Variants in SNX19 observed in about 807,000 individuals in gnomAD.
SNX19 encodes sorting nexin-19.
In SNX19, 60 loss-of-function variants were observed where a neutral mutation model predicts 85.2. That is an observed-to-expected ratio of 0.70 (90% confidence interval 0.57 to 0.87). The LOEUF is 0.87. SNX19 is among the 40% of genes least tolerant of loss of function. The pLI, the probability that SNX19 is intolerant of heterozygous loss-of-function variation, is 0.00. For missense variants in SNX19, 1,201 were observed against 1,217.8 expected (o/e 0.99, Z 0.21); for synonymous variants, 520 against 470.0 (o/e 1.11, Z -1.38).
rs61734874 is a variant in SNX19, at chr11:130,914,593, A to G, written c.1347T>C (p.Ile449=). The G allele has an allele frequency of 0.19, 307,053 of 1,613,760 alleles. 30,677 individuals carry two copies. Among genetic ancestry groups the G allele is most frequent in the Middle Eastern group, 0.21 (1,256 of 6,056 alleles). The stretch of plus-strand genomic sequence containing the variant: ...GTTCTATCTCCTTGTCTGCTGTGTC[A>G]ATATGGATCTCTGGGCAGGAATTCA... The part of the protein sequence containing the change: ...STLNSCPEIH[I]DTADKEIEQG... Residue 449 remains isoleucine, a synonymous_variant, in exon 1 of 11, where the codon ATT becomes ATC. Transcript: ENST00000265909.
At chr11:130,882,994 G>A (rs1278757061) in intron 8 of SNX19, among the ~76,000 whole-genome samples, 1 of 152,160 alleles carries the variant, frequency 6.6e-6, no homozygotes, top group Non-Finnish European at 1.5e-5. Flanking sequence ...CAAAGCAAGA[G>A]TTACATTCTT....
chr11:130,879,825 T>A, intron 9 of SNX19, 114 bp from the exon 10 acceptor site: 1 of 814,496 alleles, frequency 1.2e-6, no homozygotes, highest in Non-Finnish European at 2.1e-6. Context: ...ATTTCAGGCC[T>A]ACCTCTAAAC....
At chr11:130,898,288 T>A (rs1486138851) in intron 8 of SNX19, among the ~76,000 whole-genome samples, 1 of 152,136 alleles carries the variant, frequency 6.6e-6, no homozygotes, top group African/African-American at 2.4e-5. Context: ...AGGAATAAAC[T>A]TGCCTGCTTG....
intron 8 of SNX19, among the ~76,000 whole-genome samples, chr11:130,895,572 C>A (rs1944820331): frequency 6.6e-6 from 1 of 152,116 alleles, no homozygotes; most frequent in Non-Finnish European, 1.5e-5. Flanking sequence ...TGTTTGCAGT[C>A]ACAGATGGGC....
intron 8 of SNX19, among the ~76,000 whole-genome samples, chr11:130,885,160 G>T (rs565621270): frequency 5.4e-4 from 82 of 152,042 alleles, no homozygotes; most frequent in Non-Finnish European, 7.6e-4. Flanking sequence ...CCTTAATAGG[G>T]GGCCTAGAAA....
chr11:130,900,362 G>C (rs1945178321), intron 8 of SNX19, among the ~76,000 whole-genome samples: 1 of 152,216 alleles, frequency 6.6e-6, no homozygotes. Flanking sequence ...GAAAAAGAAA[G>C]AAGTCTCACA....
At position 130,871,092 on chromosome 11, in the gene SNX19, G is replaced by A. The variant is rs1341734053; in HGVS notation, c.*7330C>T. On this transcript the variant is annotated 3_prime_UTR_variant, in exon 11 of 11. Coordinates refer to ENST00000265909, the MANE Select transcript of SNX19 (RefSeq NM_014758.3). ...GAGAAGGTAATCTACCACGTGGAAGGAAGGACATGAACAAAAAAATGAAAG... is the reference window on the plus strand; with the variant it reads ...GAGAAGGTAATCTACCACGTGGAAGAAAGGACATGAACAAAAAAATGAAAG... Among the ~76,000 whole-genome samples the A allele has an allele frequency of 6.6e-5, 10 of 152,110 alleles. No individual in the cohort carries two copies. Among genetic ancestry groups the A allele is most frequent in the African/African-American group, 2.4e-4 (10 of 41,404 alleles).
At chr11:130,905,911 C>A (rs781379448) in intron 7 of SNX19, 42 bp downstream of exon 7, 9 of 1,614,044 alleles carry the variant, frequency 5.6e-6, no homozygotes, top group Non-Finnish European at 7.6e-6. Flanking sequence ...TGGATGCCAC[C>A]CTGGCTCCCT....
At position 130,878,359 on chromosome 11, in the gene SNX19, A is replaced by G; in HGVS notation, c.*63T>C. ...ACTTGAAGAGGGCACGGGCTTCCTGACTGGTCTCTGGTGGCCGAGTAACTC... is the reference window on the plus strand; with the variant it reads ...ACTTGAAGAGGGCACGGGCTTCCTGGCTGGTCTCTGGTGGCCGAGTAACTC... On this transcript the variant is annotated 3_prime_UTR_variant, in exon 11 of 11. Coordinates refer to ENST00000265909, the MANE Select transcript of SNX19 (RefSeq NM_014758.3). 2 of 1,570,370 alleles carry G rather than the reference A, an allele frequency of 1.3e-6. No homozygotes were observed. Among genetic ancestry groups the G allele is most frequent in the Non-Finnish European group, 1.7e-6 (2 of 1,154,572 alleles).
Position 130,910,096 on chromosome 11 carries a change from C to A in SNX19, c.1956G>T (p.Val652=). The A allele has an allele frequency of 6.2e-7, 1 of 1,614,168 alleles. No homozygotes were observed. Among genetic ancestry groups the A allele is most frequent in the South Asian group, 1.1e-5 (1 of 91,078 alleles). Residue 652 remains valine (V), a synonymous_variant, in exon 4 of 11, where the codon GTG becomes GTT. Coordinates refer to ENST00000265909, the MANE Select transcript of SNX19 (RefSeq NM_014758.3). ...AIPEIANSEE[V]QEFLALNTDA... ...CTGTGTTCAGAGCAAGGAACTCCTG[C>A]ACCTCCTCACTGTTAGCGATCTCCG...
In SNX19 at chr11:130,870,462, T is replaced by C. The variant is rs2155358; in HGVS notation, c.*7960A>G. On this transcript the variant is annotated 3_prime_UTR_variant, in exon 11 of 11. Transcript: ENST00000265909. ...GAGTAATGGATTTCTTTACCTCACCTAAACAGATCCACTGAAAAGGAAACT... is the reference window on the plus strand; with the variant it reads ...GAGTAATGGATTTCTTTACCTCACCCAAACAGATCCACTGAAAAGGAAACT... 0.44 allele frequency among the ~76,000 whole-genome samples: 66,524 copies of C among 152,162 alleles called. 14,830 individuals carry two copies. The highest frequency in any genetic ancestry group is 0.56 in the South Asian group (2,724 of 4,822).
chr11:130,912,164 T>A (rs955775126), intron 1 of SNX19, among the ~76,000 whole-genome samples: 1 of 152,234 alleles, frequency 6.6e-6, no homozygotes, highest in African/African-American at 2.4e-5. Context: ...TACTCTCCCG[T>A]GATTATTTAT....
intron 1 of SNX19, among the ~76,000 whole-genome samples, chr11:130,913,510 T>A (rs999935892): frequency 7.2e-5 from 11 of 152,224 alleles, no homozygotes; most frequent in African/African-American, 2.4e-4. Context: ...TTTTCCCTCT[T>A]AGTTGGATTG....
At position 130,872,790 on chromosome 11, in the gene SNX19, C is replaced by T. The variant is rs899329702; in HGVS notation, c.*5632G>A. On this transcript the variant is annotated 3_prime_UTR_variant, in exon 11 of 11. Transcript: ENST00000265909. ...CATGGTTTCCCTTCCTCCCCAGTTA[C>T]CATTCTTTCCCTGGTTCCCATCCCC... is the stretch of plus-strand genomic sequence containing the variant. Among the ~76,000 whole-genome samples, 1 of 152,192 alleles carries T rather than the reference C, an allele frequency of 6.6e-6. No homozygotes were observed. Among genetic ancestry groups the T allele is most frequent in the Non-Finnish European group, 1.5e-5 (1 of 68,050 alleles).
At chr11:130,890,732 T>C (rs998282309) in intron 8 of SNX19, among the ~76,000 whole-genome samples, 1 of 152,162 alleles carries the variant, frequency 6.6e-6, no homozygotes, top group African/African-American at 2.4e-5. Context: ...TCTGATGTCA[T>C]CTACTATAAG....
intron 8 of SNX19, among the ~76,000 whole-genome samples, chr11:130,901,147 C>G (rs1423718332): frequency 6.6e-6 from 1 of 152,140 alleles, no homozygotes; most frequent in Non-Finnish European, 1.5e-5. Flanking sequence ...CATCCTTGGC[C>G]TACATCCACT....
At chr11:130,892,014 T>G (rs1944534530) in intron 8 of SNX19, among the ~76,000 whole-genome samples, 1 of 151,700 alleles carries the variant, frequency 6.6e-6, no homozygotes, top group Non-Finnish European at 1.5e-5. Flanking sequence ...CAAATTTTTT[T>G]TGTATTTTCA....
In SNX19 at chr11:130,906,525, C is replaced by T. The variant is rs531553399; in HGVS notation, c.2262+100G>A. The T allele has an allele frequency of 4.8e-6, 4 of 831,798 alleles. No individual in the cohort carries two copies. The African/African-American group carries it at 5.0e-5, about 10-fold the overall frequency. 51.5% of individuals were successfully genotyped at this position (831,798 alleles called of 1,614,324 possible). On this transcript the variant is annotated intron_variant, in intron 6 of 10. Coordinates refer to ENST00000265909, the MANE Select transcript of SNX19 (RefSeq NM_014758.3). ...TCCAAACGTTGATTAAGTCATTTAG[C>T]AGGACATTTCTGACTTCAGAGAATA...
At position 130,915,760 on chromosome 11, in the gene SNX19, C is replaced by G. The variant is rs1269525036; in HGVS notation, c.180G>C (p.Val60=). ...LLCLLSALLV[V]LGGWLGSSLA... ...GGCTGGAGCCCAGCCATCCTCCCAG[C>G]ACCACTAGCAATGCCGACAGAAGGC... is the stretch of plus-strand genomic sequence containing the variant. Residue 60 remains valine, a synonymous_variant, in exon 1 of 11, where the codon GTG becomes GTC. Coordinates refer to ENST00000265909, the MANE Select transcript of SNX19 (RefSeq NM_014758.3). The G allele has an allele frequency of 6.2e-7, 1 of 1,614,220 alleles. No individual in the cohort carries two copies. Among genetic ancestry groups the G allele is most frequent in the Non-Finnish European group, 8.5e-7 (1 of 1,180,044 alleles).
Sources: allele counts gnomAD v4.1 joint callset (sites outside exome capture counted in the v4.1 genomes callset), GRCh38; gene constraint gnomAD v4.1.1; transcripts MANE v1.5; gene names NCBI Gene and HGNC (gene_info 2026-07-23, HGNC 2026-07-21).